The following COL21A1 variants were observed in gnomAD, a reference collection of about 807,000 sequenced individuals.
The protein encoded by COL21A1 is collagen alpha-1(XXI) chain.
In COL21A1, 149 loss-of-function variants were observed where a neutral mutation model predicts 137.9. That is an observed-to-expected ratio of 1.08 (90% CI 0.95 to 1.24). COL21A1 has a LOEUF of 1.24. Ranked by LOEUF, COL21A1 falls within the 50% of genes most tolerant of loss-of-function variation. COL21A1 has a pLI of 0.00. For synonymous variants in COL21A1, 456 were observed against 391.5 expected (o/e 1.16, Z -1.95); for missense variants, 1,167 against 1,158.4 (o/e 1.01, Z -0.11).
chr6:56,191,789 T>A (rs962578604), intron 1 of COL21A1, among the ~76,000 whole-genome samples: 5 of 151,832 alleles, frequency 3.3e-5, no homozygotes, highest in Non-Finnish European at 7.4e-5. Flanking sequence ...AAAGGAAGGA[T>A]CAGTATCATG....
rs1451240789 is a variant in COL21A1 at position 56,056,759 on chromosome 6, A to T, written c.*898T>A. ...TCAGCTAAAAATAACAAGACATTCTAGGATTTCAGGAGTTTTCCTTTTCTT... is the reference window on the plus strand; with the variant it reads ...TCAGCTAAAAATAACAAGACATTCTTGGATTTCAGGAGTTTTCCTTTTCTT... On this transcript the variant is annotated 3_prime_UTR_variant, in exon 30 of 30. Coordinates refer to ENST00000244728, the MANE Select transcript of COL21A1 (RefSeq NM_030820.4). The T allele has an allele frequency of 6.6e-6, 1 of 152,226 alleles. No individual in the cohort carries two copies. The highest frequency in any genetic ancestry group is 1.5e-5 in the Non-Finnish European group (1 of 68,026). 9.4% of individuals were successfully genotyped at this position (152,226 alleles called of 1,614,324 possible). A position where few individuals can be genotyped will look rare whatever the true frequency, so the allele number is the denominator to read the frequency against.
At chr6:56,172,567 C>T (rs1561945156) in intron 3 of COL21A1, among the ~76,000 whole-genome samples, 1 of 152,002 alleles carries the variant, frequency 6.6e-6, no homozygotes, top group Non-Finnish European at 1.5e-5. Context: ...TACTAATCAG[C>T]AACATAAAAG....
intron 3 of COL21A1, among the ~76,000 whole-genome samples, chr6:56,179,076 T>C (rs1449802124): frequency 2.0e-5 from 3 of 151,946 alleles, no homozygotes; most frequent in African/African-American, 7.2e-5. Flanking sequence ...GTATAAAAAT[T>C]GTATACACAA....
chr6:56,176,161 A>G (rs947879191), intron 3 of COL21A1, among the ~76,000 whole-genome samples: 2 of 152,208 alleles, frequency 1.3e-5, no homozygotes, highest in African/African-American at 4.8e-5. Context: ...ATCTGAAACT[A>G]TAAAATTTCT....
chr6:56,308,409 C>G (rs6918460), intron 1 of COL21A1, among the ~76,000 whole-genome samples: 128,204 of 152,002 alleles, frequency 0.84, 56,035 homozygotes, highest in South Asian at 0.97. Context: ...TTTTGTTAAA[C>G]TAGCCCAAAG....
At chr6:56,077,493 G>A (rs1767344467) in intron 18 of COL21A1, 36 bp downstream of exon 18, 3 of 1,470,118 alleles carry the variant, frequency 2.0e-6, no homozygotes, top group Non-Finnish European at 2.8e-6. Flanking sequence ...TAAATGAGCA[G>A]ATCCAGGCCC....
intron 16 of COL21A1, among the ~76,000 whole-genome samples, chr6:56,113,495 A>G (rs976741396): frequency 2.0e-5 from 3 of 152,142 alleles, no homozygotes; most frequent in African/African-American, 4.8e-5. Context: ...GAAGGAAAGG[A>G]TGCAGTCCTG....
chr6:56,220,854 A>G (rs1383229759), intron 1 of COL21A1, among the ~76,000 whole-genome samples: 1 of 152,152 alleles, frequency 6.6e-6, no homozygotes, highest in Non-Finnish European at 1.5e-5. Flanking sequence ...TCAATTTTAC[A>G]AGAGCACAGA....
Position 56,124,281 on chromosome 6 carries a change from A to G in COL21A1, c.1662T>C (p.Gly554=). Residue 554 remains glycine (G), a synonymous_variant, in exon 15 of 30, where the codon GGT becomes GGC. Transcript: ENST00000244728. ...CAGGGAAGCCAGCATTCCCCTTTTC[A>G]CCTTTTGCACCCTGTATCGAAAACA... is the stretch of plus-strand genomic sequence containing the variant. ...PGFYGKKGAK[G]EKGNAGFPGL... 30 of 1,602,706 alleles carry G rather than the reference A, an allele frequency of 1.9e-5. No individual in the cohort carries two copies. The highest frequency in any genetic ancestry group is 2.6e-5 in the Non-Finnish European group (30 of 1,174,278).
intron 1 of COL21A1, among the ~76,000 whole-genome samples, chr6:56,233,734 T>G (rs1781728025): frequency 1.7e-5 from 2 of 121,004 alleles, no homozygotes; most frequent in South Asian, 5.9e-4. Flanking sequence ...ATCAAGCTGC[T>G]TGAATAGGCA....
rs549039236 is a variant in COL21A1 at position 56,357,433 on chromosome 6, A to G, written c.-39+36538T>C. 2.0e-3 allele frequency among the ~76,000 whole-genome samples: 309 copies of G among 152,294 alleles called. 1 individual carries two copies. The highest frequency in any genetic ancestry group is 6.8e-3 in the African/African-American group (284 of 41,572). ...ACACTGGTAGCATGACTGGAACTCA[A>G]CTTCCAGTGGAGGTGAAAGAAATAC... On this transcript the variant is annotated intron_variant, in intron 1 of 28. Transcript: ENST00000370819.
intron 1 of COL21A1, among the ~76,000 whole-genome samples, chr6:56,229,771 C>T (rs563027949): frequency 3.9e-5 from 6 of 151,946 alleles, no homozygotes; most frequent in African/African-American, 1.2e-4. Flanking sequence ...GCTCGTTGGC[C>T]ATGAGTATCA....
rs568685539 is a variant in COL21A1, at chr6:56,304,279, A to G, written c.-39+89692T>C. On this transcript the variant is annotated intron_variant, in intron 1 of 28. Transcript: ENST00000370819. Reference sequence around the variant, plus strand: ...GTTAGGGAGGATTCCCTCTTTTTCTATTGATTGGAATAGTTTCAGAAGGAA... The same window carrying G: ...GTTAGGGAGGATTCCCTCTTTTTCTGTTGATTGGAATAGTTTCAGAAGGAA... 2.0e-5 allele frequency among the ~76,000 whole-genome samples: 3 copies of G among 151,620 alleles called. No individual in the cohort carries two copies. The South Asian group carries it at 6.3e-4, about 32-fold the overall frequency.
chr6:56,067,194 A>T, intron 23 of COL21A1, 101 bp downstream of exon 23: 1 of 981,846 alleles, frequency 1.0e-6, no homozygotes, highest in Non-Finnish European at 1.5e-6. Context: ...TAACAACTTT[A>T]TATTAATGTT....
intron 1 of COL21A1, among the ~76,000 whole-genome samples, chr6:56,384,683 AT>A (rs200215986): frequency 9.9e-5 from 15 of 151,240 alleles, no homozygotes; most frequent in African/African-American, 2.7e-4. Flanking sequence ...TACAGGGCAA[AT>A]TTTTTTTTTC....
chr6:56,196,929 T>A (rs1049855154), intron 1 of COL21A1, among the ~76,000 whole-genome samples: 55 of 152,046 alleles, frequency 3.6e-4, no homozygotes, highest in African/African-American at 1.2e-3. Context: ...TCTAAAGCAA[T>A]CTTGAACAAG....
intron 1 of COL21A1, among the ~76,000 whole-genome samples, chr6:56,255,525 G>A (rs1349233424): frequency 6.6e-6 from 1 of 152,122 alleles, no homozygotes; most frequent in Non-Finnish European, 1.5e-5. Context: ...ACATACTGTT[G>A]TAAGGAACAG....
intron 16 of COL21A1, among the ~76,000 whole-genome samples, chr6:56,106,936 G>A (rs563243140): frequency 1.4e-4 from 22 of 152,084 alleles, no homozygotes; most frequent in African/African-American, 3.9e-4. Flanking sequence ...ACAGGCGCCC[G>A]CCACCACGCC....
intron 18 of COL21A1, among the ~76,000 whole-genome samples, chr6:56,077,003 A>G (rs1419026154): frequency 6.6e-6 from 1 of 151,504 alleles, no homozygotes; most frequent in Non-Finnish European, 1.5e-5. Flanking sequence ...ATCACTTACA[A>G]AAGAATGATA....
Sources: allele counts gnomAD v4.1 joint callset (sites outside exome capture counted in the v4.1 genomes callset), GRCh38; gene constraint gnomAD v4.1.1; transcripts MANE v1.5; gene names NCBI Gene and HGNC (gene_info 2026-07-23, HGNC 2026-07-21).